The following PKD1L3 variants were observed in gnomAD, a reference collection of about 807,000 sequenced individuals.
PKD1L3 encodes the protein polycystin-1-like protein 3.
A neutral mutation model predicts 184.1 loss-of-function variants in PKD1L3; 239 were observed. The observed-to-expected ratio is 1.30, with a 90% CI of 1.17 to 1.45. The LOEUF is 1.45. Ranked by LOEUF, PKD1L3 falls within the 40% of genes most tolerant of loss-of-function variation. The probability of loss-of-function intolerance (pLI) is 0.00; values close to 1 mark genes in which losing one functional copy is unlikely to be tolerated. For missense variants in PKD1L3, 2,660 were observed against 2,067.2 expected, an observed-to-expected ratio of 1.29 and a Z score of -5.56; for synonymous variants, 996 against 778.8, an observed-to-expected ratio of 1.28 and a Z score of -4.64.
chr16:71,996,611 C>T (rs929941889), intron 2 of PKD1L3, among the ~76,000 whole-genome samples: 1 of 152,120 alleles, frequency 6.6e-6, no homozygotes, highest in Non-Finnish European at 1.5e-5. Context: ...CCATGCCCTT[C>T]TTAGACCCCG....
At chr16:71,930,579 G>C (rs1245793795) in intron 28 of PKD1L3, 1 of 154,896 alleles carries the variant, frequency 6.5e-6, no homozygotes, top group Non-Finnish European at 1.4e-5. Flanking sequence ...GCCATATCAA[G>C]AAACTACAAC....
chr16:71,996,688 A>G (rs1410588376), intron 2 of PKD1L3, among the ~76,000 whole-genome samples: 3 of 152,166 alleles, frequency 2.0e-5, no homozygotes, highest in Non-Finnish European at 4.4e-5. Context: ...AAATGGCACC[A>G]TAGAGTACGT....
At chr16:71,935,222 T>A in intron 26 of PKD1L3, 136 bp downstream of exon 26, 4 of 922,026 alleles carry the variant, frequency 4.3e-6, no homozygotes, top group South Asian at 2.0e-5. Flanking sequence ...GCTGTGGACA[T>A]GAGTCCAAGT....
rs2039352874 is a variant in PKD1L3, at chr16:71,963,275, C to T, written c.2542G>A (p.Val848Met). Residue 848 changes from valine to methionine, a missense_variant, in exon 16 of 30, where the codon GTG becomes ATG. Physicochemically the swap from Val to Met is conservative, Grantham distance 21. Coordinates refer to ENST00000620267, the MANE Select transcript of PKD1L3 (RefSeq NM_181536.2). ...TCAAGCTCACAGTCTCCGAGGTCCA[C>T]AGCCAGCCAGCAATTGCACAGGAAA... The part of the protein sequence containing the change: ...WHFLCNCWLA[V>M]DLGDCELDRV... 2 of 1,551,456 alleles carry T rather than the reference C, an allele frequency of 1.3e-6. No homozygotes were observed. The highest frequency in any genetic ancestry group is 8.7e-7 in the Non-Finnish European group (1 of 1,146,904).
chr16:71,985,253 C>A (rs899996357), intron 5 of PKD1L3, among the ~76,000 whole-genome samples: 4 of 152,064 alleles, frequency 2.6e-5, no homozygotes, highest in Admixed American at 2.6e-4. Flanking sequence ...GTTTCTCCCC[C>A]AAATAGAACA....
At chr16:71,934,494 G>A (rs1298770602) in intron 26 of PKD1L3, among the ~76,000 whole-genome samples, 7 of 152,316 alleles carry the variant, frequency 4.6e-5, no homozygotes, top group African/African-American at 1.4e-4. Context: ...AGAGAGAGGA[G>A]CCATGCTGCT....
At chr16:71,930,248 T>A (rs905689683) in intron 28 of PKD1L3, 65 bp from the exon 29 acceptor site, 1 of 1,426,506 alleles carries the variant, frequency 7.0e-7, no homozygotes, top group South Asian at 1.5e-5. Context: ...AAACATAAGC[T>A]ATATGCTAGT....
At chr16:71,951,529 T>C (rs1017173641) in intron 19 of PKD1L3, 35 bp downstream of exon 19, 2 of 1,524,638 alleles carry the variant, frequency 1.3e-6, no homozygotes, top group African/African-American at 1.4e-5. Flanking sequence ...GGGAGGCAGA[T>C]GGAAGATTCG....
intron 16 of PKD1L3, among the ~76,000 whole-genome samples, chr16:71,957,782 A>G (rs2039103837): frequency 6.6e-6 from 1 of 152,224 alleles, no homozygotes; most frequent in African/African-American, 2.4e-5. Flanking sequence ...AAGGTATTCC[A>G]TGTAAACAGC....
rs1256941834 is a variant in PKD1L3 at position 71,964,467 on chromosome 16, T to C, written c.2466-1116A>G. On this transcript the variant is annotated intron_variant, in intron 15 of 29. Coordinates refer to ENST00000620267, the MANE Select transcript of PKD1L3 (RefSeq NM_181536.2). ...AATTCTCCTGCCTCAGCCTCCCAAG[T>C]AGCTGGGACTACAGGAAGGAGCCAC... is the stretch of plus-strand genomic sequence containing the variant. 4.0e-5 allele frequency among the ~76,000 whole-genome samples: 6 copies of C among 151,196 alleles called. No individual in the cohort carries two copies. The East Asian group carries it at 7.8e-4, about 20-fold the overall frequency.
At chr16:71,982,822 G>C (rs187666230) in intron 6 of PKD1L3, among the ~76,000 whole-genome samples, 6 of 152,064 alleles carry the variant, frequency 3.9e-5, no homozygotes, top group African/African-American at 1.4e-4. Flanking sequence ...TCAAACACCT[G>C]GCCCCAAGAG....
intron 12 of PKD1L3, among the ~76,000 whole-genome samples, chr16:71,971,597 A>G (rs1278571154): frequency 6.6e-6 from 1 of 152,232 alleles, no homozygotes. Flanking sequence ...GTGCTGTGAG[A>G]GGAGAAAAGC....
intron 15 of PKD1L3, among the ~76,000 whole-genome samples, chr16:71,964,417 C>T (rs1422042857): frequency 1.4e-5 from 2 of 142,156 alleles, no homozygotes; most frequent in Non-Finnish European, 3.0e-5. Flanking sequence ...TGGCTCACTG[C>T]AACCTCCACC....
intron 7 of PKD1L3, among the ~76,000 whole-genome samples, chr16:71,980,353 T>C (rs1398321644): frequency 6.6e-6 from 1 of 152,174 alleles, no homozygotes; most frequent in African/African-American, 2.4e-5. Context: ...CAAGGAAATA[T>C]GCCTTTGCCC....
At position 71,973,310 on chromosome 16, in the gene PKD1L3, G is replaced by T; in HGVS notation, c.1953+14C>A. The T allele has an allele frequency of 1.9e-6, 3 of 1,550,638 alleles. No homozygotes were observed. Among genetic ancestry groups the T allele is most frequent in the Non-Finnish European group, 2.6e-6 (3 of 1,146,490 alleles). On this transcript the variant is annotated intron_variant, in intron 12 of 29. Transcript: ENST00000620267. ...TGGCAGAAGAGAGGCCCAAGAAGCG[G>T]CTCAGTTTCTTACTTGGCATCCGGC...
chr16:71,998,372 G>C lies in PKD1L3; in HGVS notation c.318C>G (p.Pro106=). The change falls in exon 2 of 30, where the codon CCC becomes CCG. Residue 106 remains proline (P), a synonymous_variant. Coordinates refer to ENST00000620267, the MANE Select transcript of PKD1L3 (RefSeq NM_181536.2). ...GGTAGGTGCAGCTGAGGGGCTTTGG[G>C]GGCCCGTTGGCTGCAACGTCTGCTG... ...KYPADVAANG[P]PKPLSCTYLS... The C allele has an allele frequency of 6.4e-7, 1 of 1,551,636 alleles. No individual in the cohort carries two copies. The highest frequency in any genetic ancestry group is 8.7e-7 in the Non-Finnish European group (1 of 1,146,994).
At chr16:71,962,152 G>T (rs577479762) in intron 16 of PKD1L3, among the ~76,000 whole-genome samples, 2 of 152,038 alleles carry the variant, frequency 1.3e-5, no homozygotes, top group Admixed American at 1.3e-4. Flanking sequence ...TCAAACTCCT[G>T]GCCTCAAGTG....
chr16:71,948,167 T>G (rs1427615885), intron 21 of PKD1L3, among the ~76,000 whole-genome samples: 1 of 152,082 alleles, frequency 6.6e-6, no homozygotes, highest in Non-Finnish European at 1.5e-5. Flanking sequence ...GTGCAACCTC[T>G]GCCTCCCGGG....
At chr16:71,964,309 C>CTTTTTTTTTTTTTTTTTTT (rs772995457) in intron 15 of PKD1L3, among the ~76,000 whole-genome samples, 1 of 56,592 alleles carries the variant, frequency 1.8e-5, no homozygotes. Context: ...TCGTCAAAAT[C>CTTTTTTTTTTTTTTTTTTT]TTTTTTTTTT....
Sources: gnomAD v4.1 joint callset for allele counts (sites outside exome capture counted in the v4.1 genomes callset) on GRCh38, gnomAD v4.1.1 for gene constraint, MANE v1.5 for transcripts, NCBI Gene and HGNC (gene_info 2026-07-23, HGNC 2026-07-21) for gene names.